UQCC1: variants seen among roughly 807,000 people sequenced by gnomAD.
UQCC1 encodes bFGF-repressed Zic-binding protein.
UQCC1 carries 38 observed loss-of-function variants against 48.0 expected under a neutral mutation model. The observed-to-expected ratio is 0.79, with a 90% CI of 0.61 to 1.04. UQCC1 has a LOEUF of 1.04. Ranked by LOEUF, UQCC1 falls within the 50% of genes least tolerant of loss-of-function variation. The pLI is 0.00. For missense variants in UQCC1, 368 were observed against 381.8 expected, an observed-to-expected ratio of 0.96 and a Z score of 0.30; for synonymous variants, 111 against 129.2, an observed-to-expected ratio of 0.86 and a Z score of 0.95.
intron 6 of UQCC1, 83 bp from the exon 7 acceptor site, chr20:35,347,355 G>C: frequency 6.4e-7 from 1 of 1,552,326 alleles, no homozygotes; most frequent in East Asian, 2.3e-5. Flanking sequence ...CCTCATCTAA[G>C]AGTGAGTTTA....
intron 4 of UQCC1, among the ~76,000 whole-genome samples, chr20:35,376,968 C>CAAAAAAAAAAAAAA (rs11330133): frequency 7.0e-6 from 1 of 142,630 alleles, no homozygotes. Context: ...CAAAACAAAA[C>CAAAAAAAAAAAAAA]AAAAAAAAAA....
intron 1 of UQCC1, among the ~76,000 whole-genome samples, chr20:35,403,159 G>T (rs1038695069): frequency 1.3e-5 from 2 of 152,082 alleles, no homozygotes; most frequent in African/African-American, 4.8e-5. Flanking sequence ...TTACATACAG[G>T]AAAGATTTGA....
rs533368073 is a variant in UQCC1, at chr20:35,389,873, C to A, written c.129+4219G>T. On this transcript the variant is annotated intron_variant, in intron 2 of 9. Transcript: ENST00000374385. ...AAGCAGGATCTCTAAGATATTTGTA[C>A]ACTGACATTCACTGCAGCATTATTC... Among the ~76,000 whole-genome samples, 6 of 152,262 alleles carry A rather than the reference C, an allele frequency of 3.9e-5. No homozygotes were observed. The South Asian group carries it at 1.2e-3, about 32-fold the overall frequency.
At chr20:35,388,541 G>A (rs1036285164) in intron 2 of UQCC1, among the ~76,000 whole-genome samples, 1 of 152,048 alleles carries the variant, frequency 6.6e-6, no homozygotes, top group African/African-American at 2.4e-5. Flanking sequence ...GCCTCCAGAA[G>A]TGCTGAGATT....
intron 9 of UQCC1, chr20:35,306,444 T>C: frequency 1.9e-6 from 1 of 526,214 alleles, no homozygotes; most frequent in Non-Finnish European, 3.5e-6. Context: ...AGGAGACTAC[T>C]CGATGCCTCT....
chr20:35,402,248 G>C (rs2062175672), intron 1 of UQCC1, among the ~76,000 whole-genome samples: 1 of 151,982 alleles, frequency 6.6e-6, no homozygotes, highest in Non-Finnish European at 1.5e-5. Flanking sequence ...TTCGAGACCA[G>C]CCTGGCCAAC....
At position 35,319,129 on chromosome 20, in the gene UQCC1, A is replaced by G. The variant is rs1324100393; in HGVS notation, c.574-4364T>C. The stretch of plus-strand genomic sequence containing the variant: ...TCATATTTTCCCATTTATTTAAGCC[A>G]TTAAAATTCATGCAGATATTTTATA... On this transcript the variant is annotated intron_variant, in intron 7 of 9. Transcript: ENST00000374385. 2.6e-5 allele frequency among the ~76,000 whole-genome samples: 4 copies of G among 152,238 alleles called. No individual in the cohort carries two copies. In the East Asian group the frequency reaches 7.7e-4, roughly 29 times the overall value.
intron 7 of UQCC1, chr20:35,315,244 T>G: frequency 6.5e-6 from 1 of 153,824 alleles, no homozygotes; most frequent in East Asian, 1.9e-4. Context: ...GGAGGAGGAG[T>G]TTGACAGAGG....
intron 4 of UQCC1, among the ~76,000 whole-genome samples, chr20:35,381,160 G>C (rs2061862214): frequency 6.6e-6 from 1 of 152,160 alleles, no homozygotes; most frequent in African/African-American, 2.4e-5. Flanking sequence ...TAATGTGCTA[G>C]GCCAAGAGTT....
rs558529556 is a variant in UQCC1 at position 35,372,495 on chromosome 20, T to C, written c.406+1689A>G. ...ACACTAAATTGGAATTATAATTCAG[T>C]ATGGTATTTCAGTTTTTGGTGTCAA... On this transcript the variant is annotated intron_variant, in intron 5 of 9. Coordinates refer to ENST00000374385, the MANE Select transcript of UQCC1 (RefSeq NM_018244.5). 1.8e-4 allele frequency among the ~76,000 whole-genome samples: 27 copies of C among 152,250 alleles called. 1 individual carries two copies. The South Asian group carries it at 5.6e-3, about 32-fold the overall frequency.
chr20:35,309,507 A>T (rs1200247763), intron 8 of UQCC1, among the ~76,000 whole-genome samples: 2 of 152,168 alleles, frequency 1.3e-5, no homozygotes, highest in Non-Finnish European at 2.9e-5. Context: ...CTGCTAGTGT[A>T]AGGCAGTGAA....
chr20:35,354,396 CT>C (rs11477242), intron 6 of UQCC1, among the ~76,000 whole-genome samples: 77,218 of 145,138 alleles, frequency 0.53, 21,133 homozygotes, highest in East Asian at 0.71. Flanking sequence ...GGCAAATTCT[CT>C]TTTTTTTTTT....
At chr20:35,390,421 C>T (rs1005935691) in intron 2 of UQCC1, among the ~76,000 whole-genome samples, 1 of 69,502 alleles carries the variant, frequency 1.4e-5, no homozygotes, top group Non-Finnish European at 3.1e-5. Flanking sequence ...AACTCCGTCT[C>T]AAAAAAAAAA....
intron 9 of UQCC1, 88 bp downstream of exon 9, chr20:35,306,578 G>T: frequency 9.9e-7 from 1 of 1,011,608 alleles, no homozygotes; most frequent in Non-Finnish European, 1.6e-6. Flanking sequence ...CTGGTCCTTG[G>T]TAACTCCACC....
At chr20:35,409,983 T>C (rs1045400711) in intron 1 of UQCC1, 2 of 151,886 alleles carry the variant, frequency 1.3e-5, no homozygotes, top group African/African-American at 2.4e-5. Context: ...TTTTTGTATT[T>C]TTAGTAGAGA....
At chr20:35,317,193 C>T (rs1009453391) in intron 7 of UQCC1, among the ~76,000 whole-genome samples, 25 of 152,176 alleles carry the variant, frequency 1.6e-4, no homozygotes, top group African/African-American at 5.8e-4. Context: ...CCGCCTCGAC[C>T]TCCTAAAGTG....
chr20:35,331,158 G>A (rs1451086851), intron 7 of UQCC1, among the ~76,000 whole-genome samples: 3 of 152,190 alleles, frequency 2.0e-5, no homozygotes, highest in African/African-American at 4.8e-5. Context: ...CCTGCTCAGC[G>A]CTTAACAGGA....
At chr20:35,401,293 A>C (rs1337848079) in intron 1 of UQCC1, among the ~76,000 whole-genome samples, 7 of 152,208 alleles carry the variant, frequency 4.6e-5, no homozygotes, top group Admixed American at 3.9e-4. Context: ...CATAAGGCAC[A>C]TTGTGGCCTT....
Position 35,321,943 on chromosome 20 carries a change from G to T in UQCC1, c.574-7178C>A, listed in dbSNP as rs576709838. Among the ~76,000 whole-genome samples the T allele has an allele frequency of 5.9e-5, 9 of 152,290 alleles. No individual in the cohort carries two copies. The South Asian group carries it at 1.9e-3, about 32-fold the overall frequency. ...ATGTCCTCAGAAATTCTAGTCATTT[G>T]TCCAGTTGAGAAAACATGAGAACAC... On this transcript the variant is annotated intron_variant, in intron 7 of 9. Coordinates refer to ENST00000374385, the MANE Select transcript of UQCC1 (RefSeq NM_018244.5).
Sources: allele counts gnomAD v4.1 joint callset (sites outside exome capture counted in the v4.1 genomes callset), GRCh38; gene constraint gnomAD v4.1.1; transcripts MANE v1.5; gene names NCBI Gene and HGNC (gene_info 2026-07-23, HGNC 2026-07-21).